Variants in EML1 observed in about 807,000 individuals in gnomAD.
EML1 encodes the protein echinoderm microtubule-associated protein-like 1.
Under a neutral mutation model 110.4 loss-of-function variants are expected in EML1, and 27 were observed. The observed-to-expected ratio is 0.24, with a 90% CI of 0.18 to 0.34. The LOEUF is 0.34. EML1 is among the 10% of genes least tolerant of loss of function. EML1 has a pLI of 1.00. For missense variants in EML1, 741 were observed against 1,030.9 expected (o/e 0.72, Z 3.85); for synonymous variants, 344 against 385.8 (o/e 0.89, Z 1.27).
At chr14:99,851,161 CTT>C in intron 2 of EML1, 126 bp downstream of exon 2, 2 of 1,049,196 alleles carry the variant, frequency 1.9e-6, no homozygotes, top group Non-Finnish European at 2.7e-6. Context: ...ATAAAACAGT[CTT>C]AGCACTGTCA....
rs185303933 is a variant in EML1, at chr14:99,787,499, G to A, written c.-27+13486G>A. ...TCACCATGTTGGCCAGGCTGGTCTCGAACCCCTGACCTCAGGTGATCTGCC... is the reference window on the plus strand; with the variant it reads ...TCACCATGTTGGCCAGGCTGGTCTCAAACCCCTGACCTCAGGTGATCTGCC... On this transcript the variant is annotated intron_variant, in intron 1 of 22. Coordinates refer to the EML1 transcript ENST00000327921. Among the ~76,000 whole-genome samples, 534 of 152,046 alleles carry A rather than the reference G, an allele frequency of 3.5e-3. 4 individuals carry two copies. The highest frequency in any genetic ancestry group is 0.012 in the African/African-American group (516 of 41,470).
chr14:99,768,579 G>A (rs2057391057), upstream of EML1, among the ~76,000 whole-genome samples: 2 of 152,180 alleles, frequency 1.3e-5, no homozygotes, highest in South Asian at 4.1e-4. Flanking sequence ...GGCCAGGAGT[G>A]GCCATCTCTG....
chr14:99,846,061 A>G (rs1268427374), intron 1 of EML1, among the ~76,000 whole-genome samples: 9 of 151,194 alleles, frequency 6.0e-5, no homozygotes, highest in South Asian at 2.1e-4. Flanking sequence ...AAAAAAAAAA[A>G]AAAAGAAAAG....
At chr14:99,775,679 T>C (rs1319492386) in intron 1 of EML1, among the ~76,000 whole-genome samples, 2 of 152,146 alleles carry the variant, frequency 1.3e-5, no homozygotes. Context: ...TGCGTTTTAG[T>C]GAGTGGCCCA....
At chr14:99,789,115 G>A (rs1349742899), upstream of EML1, among the ~76,000 whole-genome samples, 1 of 152,128 alleles carries the variant, frequency 6.6e-6, no homozygotes, top group Non-Finnish European at 1.5e-5. Context: ...ATGCTGCTAT[G>A]AACATGGGTG....
intron 1 of EML1, chr14:99,850,455 C>A: frequency 1.3e-6 from 1 of 792,478 alleles, no homozygotes; most frequent in Non-Finnish European, 1.8e-6. Flanking sequence ...TGTCAGTTAA[C>A]ATAATTGGAA....
At chr14:99,805,698 ACTC>A (rs2057959365) in intron 1 of EML1, among the ~76,000 whole-genome samples, 1 of 150,488 alleles carries the variant, frequency 6.6e-6, no homozygotes, top group Non-Finnish European at 1.5e-5. Context: ...CTGGTTTTGA[ACTC>A]CTGGGCTGAA....
chr14:99,850,725 G>A, intron 1 of EML1, 128 bp from the exon 2 acceptor site: 1 of 906,922 alleles, frequency 1.1e-6, no homozygotes, highest in Non-Finnish European at 1.7e-6. Context: ...CTTAAGAGCA[G>A]TATCTGTAGT....
intron 1 of EML1, among the ~76,000 whole-genome samples, chr14:99,823,498 A>G (rs1171628619): frequency 6.6e-6 from 1 of 152,128 alleles, no homozygotes. Context: ...TAAAGTATCA[A>G]ATAATACCGA....
intron 3 of EML1, among the ~76,000 whole-genome samples, chr14:99,869,032 T>G (rs1375034579): frequency 6.6e-6 from 1 of 152,232 alleles, no homozygotes; most frequent in African/African-American, 2.4e-5. Context: ...TTTTTAAAAT[T>G]TCTTTGTGAT....
chr14:99,844,431 A>G (rs981687120), intron 1 of EML1, among the ~76,000 whole-genome samples: 2 of 151,638 alleles, frequency 1.3e-5, no homozygotes, highest in African/African-American at 2.4e-5. Context: ...GTGAGCTGAG[A>G]TCATACCACC....
chr14:99,903,325 A>G (rs1249653631), intron 9 of EML1, among the ~76,000 whole-genome samples: 1 of 152,184 alleles, frequency 6.6e-6, no homozygotes, highest in African/African-American at 2.4e-5. Context: ...GAGTCCTGAA[A>G]GTTTTTTCCT....
chr14:99,938,858 A>G (rs2060522900), intron 20 of EML1, among the ~76,000 whole-genome samples: 1 of 152,246 alleles, frequency 6.6e-6, no homozygotes, highest in Non-Finnish European at 1.5e-5. Flanking sequence ...AAGATGCTTC[A>G]GAGATCAAGG....
intron 1 of EML1, among the ~76,000 whole-genome samples, chr14:99,832,925 G>T (rs2058483543): frequency 6.6e-6 from 1 of 151,944 alleles, no homozygotes; most frequent in Non-Finnish European, 1.5e-5. Context: ...AGATTCAAGG[G>T]GTACATGTGT....
chr14:99,920,612 A>G (rs1321152481), intron 16 of EML1, among the ~76,000 whole-genome samples, 177 bp from the exon 17 acceptor site: 1 of 152,256 alleles, frequency 6.6e-6, no homozygotes, highest in Non-Finnish European at 1.5e-5. Context: ...TTCATTAGAA[A>G]ATGCTTATAT....
chr14:99,740,457 C>A (rs759690627), intron 1 of EML1, among the ~76,000 whole-genome samples: 2 of 152,190 alleles, frequency 1.3e-5, no homozygotes, highest in Non-Finnish European at 2.9e-5. Flanking sequence ...CAATAGCTTG[C>A]AACCTGTAGA....
upstream of EML1, among the ~76,000 whole-genome samples, chr14:99,791,327 G>A (rs755560595): frequency 1.3e-5 from 2 of 152,120 alleles, no homozygotes; most frequent in Non-Finnish European, 2.9e-5. Context: ...AGAACTCTAC[G>A]CAAATGCCCA....
At chr14:99,779,023 G>A (rs191622861) in intron 1 of EML1, among the ~76,000 whole-genome samples, 210 of 152,302 alleles carry the variant, frequency 1.4e-3, no homozygotes, top group African/African-American at 4.8e-3. Flanking sequence ...TTCCTCCAAT[G>A]TGCTGGGCAC....
chr14:99,916,431 A>G (rs144299129), intron 15 of EML1, among the ~76,000 whole-genome samples: 126 of 152,304 alleles, frequency 8.3e-4, no homozygotes, highest in African/African-American at 2.9e-3. Flanking sequence ...TTGGTTTTTT[A>G]GATTATCCAG....
Sources: allele counts gnomAD v4.1 joint callset (sites outside exome capture counted in the v4.1 genomes callset), GRCh38; gene constraint gnomAD v4.1.1; transcripts MANE v1.5; gene names NCBI Gene and HGNC (gene_info 2026-07-23, HGNC 2026-07-21).